The following SGCZ variants were observed in gnomAD, a reference collection of about 807,000 sequenced individuals.
SGCZ encodes sarcoglycan zeta, also known as zeta-sarcoglycan.
A neutral mutation model predicts 41.3 loss-of-function variants in SGCZ; 40 were observed. That is an observed-to-expected ratio of 0.97 (90% CI 0.75 to 1.26). SGCZ has a LOEUF of 1.26. Ranked by LOEUF, SGCZ falls within the 50% of genes most tolerant of loss-of-function variation. SGCZ has a pLI of 0.00. For missense variants in SGCZ, 552 were observed against 369.8 expected (o/e 1.49, Z -4.04); for synonymous variants, 206 against 137.5 (o/e 1.50, Z -3.49).
At chr8:14,112,763 G>A (rs1802413666) in intron 5 of SGCZ, among the ~76,000 whole-genome samples, 1 of 151,978 alleles carries the variant, frequency 6.6e-6, no homozygotes, top group African/African-American at 2.4e-5. Flanking sequence ...TAAGGTACTT[G>A]CAATTTCTAA....
intron 7 of SGCZ, among the ~76,000 whole-genome samples, chr8:14,098,865 G>T (rs1801925312): frequency 6.6e-6 from 1 of 152,092 alleles, no homozygotes; most frequent in Non-Finnish European, 1.5e-5. Context: ...AAACCTTGAA[G>T]TACTCAAGCC....
intron 2 of SGCZ, among the ~76,000 whole-genome samples, chr8:14,462,773 G>A (rs1800938607): frequency 6.6e-6 from 1 of 151,770 alleles, no homozygotes. Flanking sequence ...TTGGGATTTG[G>A]ATAAGGATCG....
intron 4 of SGCZ, among the ~76,000 whole-genome samples, chr8:14,222,721 T>C (rs748231444): frequency 6.6e-6 from 1 of 151,698 alleles, no homozygotes; most frequent in Non-Finnish European, 1.5e-5. Context: ...AATGTTTGGT[T>C]CTAAACTATT....
intron 3 of SGCZ, among the ~76,000 whole-genome samples, chr8:14,294,310 A>G (rs1450257400): frequency 1.3e-5 from 2 of 151,878 alleles, no homozygotes; most frequent in Non-Finnish European, 2.9e-5. Flanking sequence ...CCGACACAAC[A>G]TTACTAAAAC....
chr8:14,587,279 GA>G (rs954441358), intron 1 of SGCZ, among the ~76,000 whole-genome samples: 11 of 148,856 alleles, frequency 7.4e-5, no homozygotes, highest in Non-Finnish European at 1.3e-4. Flanking sequence ...TTAAAAAACT[GA>G]AAAAAATGTT....
In SGCZ at chr8:14,635,349, A is replaced by G. The variant is rs1585142646; in HGVS notation, c.40-80423T>C. On this transcript the variant is annotated intron_variant, in intron 1 of 7. Transcript: ENST00000382080. ...CTGTACTGGAAATATATCCAACTAT[A>G]TTCTCATTTTAGCAATGATCTCACT... Among the ~76,000 whole-genome samples, 2 of 151,934 alleles carry G rather than the reference A, an allele frequency of 1.3e-5. 1 individual carries two copies. The highest frequency in any genetic ancestry group is 2.9e-5 in the Non-Finnish European group (2 of 67,938).
At position 15,110,304 on chromosome 8, in the gene SGCZ, T is replaced by C. The variant is rs80088341; in HGVS notation, c.39+127281A>G. ...TTACAGTGTCAGTATTATCTGAAGA[T>C]GATTAAAGAGATACATTCGGCTCTA... On this transcript the variant is annotated intron_variant, in intron 1 of 7. Coordinates refer to ENST00000382080, the MANE Select transcript of SGCZ (RefSeq NM_139167.4). Among the ~76,000 whole-genome samples, 12 of 152,316 alleles carry C rather than the reference T, an allele frequency of 7.9e-5. No individual in the cohort carries two copies. The East Asian group carries it at 2.3e-3, about 29-fold the overall frequency.
At chr8:14,319,742 T>A (rs1003549910) in intron 3 of SGCZ, among the ~76,000 whole-genome samples, 1 of 151,996 alleles carries the variant, frequency 6.6e-6, no homozygotes, top group Non-Finnish European at 1.5e-5. Flanking sequence ...CTGACAAAGT[T>A]AAAGTAATAT....
At chr8:14,369,814 G>T (rs1803847465) in intron 2 of SGCZ, among the ~76,000 whole-genome samples, 1 of 151,604 alleles carries the variant, frequency 6.6e-6, no homozygotes, top group South Asian at 2.1e-4. Flanking sequence ...TAAATATTAA[G>T]TAATTACATG....
At chr8:14,500,494 C>G (rs977524371) in intron 2 of SGCZ, among the ~76,000 whole-genome samples, 1 of 151,308 alleles carries the variant, frequency 6.6e-6, no homozygotes, top group Admixed American at 6.6e-5. Context: ...GGAAGAAAAA[C>G]ATTTTAAGTA....
intron 1 of SGCZ, among the ~76,000 whole-genome samples, chr8:14,961,640 G>T (rs762463662): frequency 6.6e-6 from 1 of 152,012 alleles, no homozygotes; most frequent in Non-Finnish European, 1.5e-5. Context: ...TACATATAGG[G>T]TCCACTAGGA....
chr8:14,246,473 C>T (rs1207816675), intron 3 of SGCZ, among the ~76,000 whole-genome samples: 2 of 151,672 alleles, frequency 1.3e-5, no homozygotes, highest in African/African-American at 4.8e-5. Context: ...GGAGGGATAG[C>T]ATTAGGAGAT....
chr8:14,313,343 A>G (rs1316336968), intron 3 of SGCZ, among the ~76,000 whole-genome samples: 1 of 152,136 alleles, frequency 6.6e-6, no homozygotes, highest in East Asian at 1.9e-4. Flanking sequence ...TTTGAGACAC[A>G]GACTCGCTCT....
intron 1 of SGCZ, among the ~76,000 whole-genome samples, chr8:15,212,348 T>G (rs1487288452): frequency 6.6e-6 from 1 of 152,122 alleles, no homozygotes; most frequent in African/African-American, 2.4e-5. Flanking sequence ...ACTGGTGGAT[T>G]CACTCTGCTT....
intron 1 of SGCZ, among the ~76,000 whole-genome samples, chr8:14,593,330 T>C (rs1057261495): frequency 2.6e-5 from 4 of 152,168 alleles, no homozygotes; most frequent in African/African-American, 9.6e-5. Context: ...AAATGTAGGC[T>C]GACTTTAGAA....
intron 3 of SGCZ, among the ~76,000 whole-genome samples, chr8:14,288,640 A>G (rs1289009152): frequency 1.3e-5 from 2 of 152,132 alleles, no homozygotes; most frequent in African/African-American, 4.8e-5. Flanking sequence ...TAGCTTAATA[A>G]TACTCCATTA....
intron 1 of SGCZ, among the ~76,000 whole-genome samples, chr8:15,203,174 T>C (rs1800950625): frequency 6.6e-6 from 1 of 152,170 alleles, no homozygotes; most frequent in South Asian, 2.1e-4. Context: ...TATCCTATTA[T>C]ATTCTGCCTC....
At chr8:14,677,484 T>C (rs1808313514) in intron 1 of SGCZ, among the ~76,000 whole-genome samples, 2 of 152,114 alleles carry the variant, frequency 1.3e-5, no homozygotes, top group African/African-American at 2.4e-5. Flanking sequence ...AAACTGATTC[T>C]ATATGGGCCG....
Position 14,786,860 on chromosome 8 carries a change from A to G in SGCZ, c.40-231934T>C, listed in dbSNP as rs532389673. 2.0e-5 allele frequency among the ~76,000 whole-genome samples: 3 copies of G among 150,940 alleles called. No individual in the cohort carries two copies. In the East Asian group the frequency reaches 5.8e-4, roughly 29 times the overall value. Reference sequence around the variant, plus strand: ...GGTTTAAAAAAAAAAAACAAAAAACACATAGATTAAGTAAGTCTTAGATAA... The same window carrying G: ...GGTTTAAAAAAAAAAAACAAAAAACGCATAGATTAAGTAAGTCTTAGATAA... On this transcript the variant is annotated intron_variant, in intron 1 of 7. Transcript: ENST00000382080.
Sources: gnomAD v4.1 joint callset for allele counts (sites outside exome capture counted in the v4.1 genomes callset) on GRCh38, gnomAD v4.1.1 for gene constraint, MANE v1.5 for transcripts, NCBI Gene and HGNC (gene_info 2026-07-23, HGNC 2026-07-21) for gene names.